CBR4: variants seen among roughly 807,000 people sequenced by gnomAD.
CBR4 encodes the protein 3-oxoacyl-[acyl-carrier-protein] reductase.
A neutral mutation model predicts 21.0 loss-of-function variants in CBR4; 22 were observed. The ratio of observed to expected loss-of-function variants is 1.05; its 90% CI spans 0.75 to 1.50. The LOEUF (loss-of-function observed/expected upper bound fraction) is 1.50. Among genes scored for constraint, CBR4 ranks in the 40% most tolerant of loss-of-function variants. The pLI is 0.00. For synonymous variants in CBR4, 100 were observed against 104.4 expected, an observed-to-expected ratio of 0.96 and a Z score of 0.26; for missense variants, 302 against 286.3, an observed-to-expected ratio of 1.05 and a Z score of -0.40.
At position 168,987,917 on chromosome 4, in the gene CBR4, C is replaced by CA. The variant is rs1004537864; in HGVS notation, c.*2232dup. 1.9e-4 allele frequency: 181 copies of CA among 973,984 alleles called. No individual in the cohort carries two copies. Among genetic ancestry groups the CA allele is most frequent in the Admixed American group, 2.5e-4 (4 of 16,046 alleles). 60.3% of individuals were successfully genotyped at this position (973,984 alleles called of 1,614,324 possible). On this transcript the variant is annotated 3_prime_UTR_variant, in exon 5 of 5. Transcript: ENST00000306193. ...AGCACAAATTTTAAAGCCCTCCATG[C>CA]AAAAAAAAATTAATACATTGGCTTT...
chr4:168,956,719 T>C (rs539487599), intron 2 of CBR4, among the ~76,000 whole-genome samples: 41 of 151,624 alleles, frequency 2.7e-4, no homozygotes, highest in South Asian at 1.0e-3. Context: ...ACAATAAGTG[T>C]AGGAAGGGTT....
intron 2 of CBR4, among the ~76,000 whole-genome samples, chr4:168,971,767 T>C (rs1422810657): frequency 6.6e-6 from 1 of 152,246 alleles, no homozygotes; most frequent in African/African-American, 2.4e-5. Flanking sequence ...TGATTATTTC[T>C]TTTGCTGTGC....
chr4:168,944,220 G>A (rs1429470192), intron 2 of CBR4, among the ~76,000 whole-genome samples: 1 of 152,110 alleles, frequency 6.6e-6, no homozygotes, highest in Non-Finnish European at 1.5e-5. Flanking sequence ...CGAAGTGGGA[G>A]GATGGCTTGA....
chr4:168,936,443 T>C (rs1002656698), intron 2 of CBR4, among the ~76,000 whole-genome samples: 2 of 152,120 alleles, frequency 1.3e-5, no homozygotes, highest in Admixed American at 6.5e-5. Flanking sequence ...TTTGACGAAC[T>C]GACAGAAGTA....
In CBR4 at chr4:168,988,827, T is replaced by C; in HGVS notation, c.*1323A>G. 1 of 954,230 alleles carries C rather than the reference T, an allele frequency of 1.0e-6. No homozygotes were observed. Among genetic ancestry groups the C allele is most frequent in the Non-Finnish European group, 1.2e-6 (1 of 801,510 alleles). The allele number at this position is 954,230 out of a possible 1,614,324, so 59.1% of individuals were successfully genotyped here. On this transcript the variant is annotated 3_prime_UTR_variant, in exon 5 of 5. Coordinates refer to ENST00000306193, the MANE Select transcript of CBR4 (RefSeq NM_032783.5). ...TTATTTAGAACACTGCTTTGACTTTTGTTATTACTTTGTATTTATTAGTAT... is the reference window on the plus strand; with the variant it reads ...TTATTTAGAACACTGCTTTGACTTTCGTTATTACTTTGTATTTATTAGTAT...
chr4:168,964,227 G>T (rs754110651), intron 2 of CBR4, among the ~76,000 whole-genome samples: 1 of 152,166 alleles, frequency 6.6e-6, no homozygotes, highest in African/African-American at 2.4e-5. Flanking sequence ...CAACTGTCTG[G>T]TTAAAATTTA....
At chr4:168,969,289 T>G (rs539291675) in intron 2 of CBR4, among the ~76,000 whole-genome samples, 2 of 152,320 alleles carry the variant, frequency 1.3e-5, no homozygotes, top group Admixed American at 6.5e-5. Flanking sequence ...ATCAGAGAAC[T>G]GGTCCAAGTC....
chr4:168,909,915 G>T (rs751078887), intron 2 of CBR4, among the ~76,000 whole-genome samples: 2 of 152,020 alleles, frequency 1.3e-5, no homozygotes, highest in Non-Finnish European at 2.9e-5. Context: ...TCTTAGTTTG[G>T]ATGCTCTCTA....
In CBR4 at chr4:168,926,333, A is replaced by G. The variant is rs535118290; in HGVS notation, n.170-31568T>C. The G allele has an allele frequency of 1.2e-5, 18 of 1,537,406 alleles. No homozygotes were observed. The highest frequency in any genetic ancestry group is 2.4e-5 in the East Asian group (1 of 40,920). On this transcript the variant is annotated intron_variant and non_coding_transcript_variant, in intron 2 of 3. Coordinates refer to the CBR4 transcript ENST00000509108. Reference sequence around the variant, plus strand: ...AAAGCAGCGTTCCAACCTGAGGCCAACCCATCTCACCTGACACTGAATACT... The same window carrying G: ...AAAGCAGCGTTCCAACCTGAGGCCAGCCCATCTCACCTGACACTGAATACT...
At chr4:168,905,199 G>A (rs1181124143) in intron 2 of CBR4, among the ~76,000 whole-genome samples, 1 of 122,054 alleles carries the variant, frequency 8.2e-6, no homozygotes, top group Non-Finnish European at 1.6e-5. Context: ...CGCCCAGGCT[G>A]GAATGCAGTG....
At chr4:168,972,775 CTT>C (rs1439821639) in intron 2 of CBR4, among the ~76,000 whole-genome samples, 5 of 152,090 alleles carry the variant, frequency 3.3e-5, no homozygotes, top group East Asian at 1.9e-4. Context: ...CTTTCTTTCT[CTT>C]GTCTGATTGC....
At chr4:168,969,058 A>G (rs1764127944) in intron 2 of CBR4, among the ~76,000 whole-genome samples, 1 of 152,226 alleles carries the variant, frequency 6.6e-6, no homozygotes, top group South Asian at 2.1e-4. Context: ...CATTAACATC[A>G]GAGCCACTGT....
In CBR4 at chr4:168,989,751, T is replaced by C; in HGVS notation, c.*399A>G. The C allele has an allele frequency of 1.0e-6, 1 of 986,830 alleles. No homozygotes were observed. Among genetic ancestry groups the C allele is most frequent in the Non-Finnish European group, 1.2e-6 (1 of 830,694 alleles). 61.1% of individuals were successfully genotyped at this position (986,830 alleles called of 1,614,324 possible). A position where few individuals can be genotyped will look rare whatever the true frequency, so the allele number is the denominator to read the frequency against. ...TTGTTTATATGACTTGCAAAATGTC[T>C]ATACACTAAGATTGCTACAGTCTAT... On this transcript the variant is annotated 3_prime_UTR_variant, in exon 5 of 5. Coordinates refer to ENST00000306193, the MANE Select transcript of CBR4 (RefSeq NM_032783.5).
In CBR4 at chr4:168,916,143, T is replaced by TCATTATA; in HGVS notation, n.170-21379_170-21378insTATAATG. 4 of 1,017,824 alleles carry TCATTATA rather than the reference T, an allele frequency of 3.9e-6. No homozygotes were observed. The Admixed American group carries it at 6.8e-5, about 17-fold the overall frequency. The allele number at this position is 1,017,824 out of a possible 1,614,324, so 63.0% of individuals were successfully genotyped here. ...AGTATAAAATGAGAGCTGGGCACAG[T>TCATTATA]GGCTCACACCTATAATCCCAGCACT... On this transcript the variant is annotated intron_variant and non_coding_transcript_variant, in intron 2 of 3. Transcript: ENST00000509108.
rs754158038 is a variant in CBR4, at chr4:168,903,816, A to G, written n.170-9051T>C. On this transcript the variant is annotated intron_variant and non_coding_transcript_variant, in intron 2 of 3. Coordinates refer to the CBR4 transcript ENST00000509108. ...CAAAGAGTGATCACTACACCATTCA[A>G]AGAGATCTCGATGGGACCTGCTCCC... 3.7e-6 allele frequency: 6 copies of G among 1,611,872 alleles called. No homozygotes were observed. Among genetic ancestry groups the G allele is most frequent in the Non-Finnish European group, 5.1e-6 (6 of 1,177,990 alleles).
chr4:168,975,482 G>C (rs779960434), intron 2 of CBR4, among the ~76,000 whole-genome samples: 60 of 152,360 alleles, frequency 3.9e-4, no homozygotes, highest in Non-Finnish European at 6.8e-4. Flanking sequence ...CTCTGGGGCA[G>C]AGTTGTTCTG....
Position 169,010,228 on chromosome 4 carries a change from T to A in CBR4, c.-139A>T, listed in dbSNP as rs964440947. On this transcript the variant is annotated 5_prime_UTR_variant, in exon 1 of 5. Transcript: ENST00000306193. ...AAACCGCAAAAAAAAATAACGCCGCTCGACACCTCCTGCAGCCGCACAATA... is the reference window on the plus strand; with the variant it reads ...AAACCGCAAAAAAAAATAACGCCGCACGACACCTCCTGCAGCCGCACAATA... 21 of 744,688 alleles carry A rather than the reference T, an allele frequency of 2.8e-5. No individual in the cohort carries two copies. Among genetic ancestry groups the A allele is most frequent in the African/African-American group, 2.8e-4 (15 of 54,098 alleles). 46.1% of individuals were successfully genotyped at this position (744,688 alleles called of 1,614,324 possible).
At chr4:168,959,873 T>C (rs2126723854) in intron 2 of CBR4, among the ~76,000 whole-genome samples, 1 of 76,750 alleles carries the variant, frequency 1.3e-5, no homozygotes, top group Middle Eastern at 7.0e-3. Flanking sequence ...TCAATTTCTA[T>C]TAAAAAAAAA....
At chr4:168,985,291 G>A (rs1764653543), downstream of CBR4, among the ~76,000 whole-genome samples, 1 of 152,104 alleles carries the variant, frequency 6.6e-6, no homozygotes, top group Non-Finnish European at 1.5e-5. Context: ...ACGAAAAAAT[G>A]CTCACTATCA....
Sources: allele counts gnomAD v4.1 joint callset (sites outside exome capture counted in the v4.1 genomes callset), GRCh38; gene constraint gnomAD v4.1.1; transcripts MANE v1.5; gene names NCBI Gene and HGNC (gene_info 2026-07-23, HGNC 2026-07-21).